The following KDM6A variants were observed in gnomAD, a reference collection of about 807,000 sequenced individuals.
KDM6A encodes lysine demethylase 6A, also known as lysine-specific demethylase 6A.
In KDM6A, 11 loss-of-function variants were observed where a neutral mutation model predicts 117.6. The observed-to-expected ratio is 0.09, with a 90% CI of 0.06 to 0.15. The LOEUF is 0.15. Among genes scored for constraint, KDM6A ranks in the 10% least tolerant of loss-of-function variants. The pLI is 1.00. For missense variants in KDM6A, 799 were observed against 1,077.3 expected, an observed-to-expected ratio of 0.74 and a Z score of 3.62; for synonymous variants, 384 against 396.1, an observed-to-expected ratio of 0.97 and a Z score of 0.36.
At chrX:44,977,168 C>T (rs913833434) in intron 4 of KDM6A, among the ~76,000 whole-genome samples, 1 of 111,532 alleles carries the variant, frequency 9.0e-6, no homozygotes, top group Non-Finnish European at 1.9e-5. Context: ...TGAAGACTTA[C>T]TCCATAGTTT....
At chrX:45,077,505 T>C (rs1170814738) in intron 19 of KDM6A, among the ~76,000 whole-genome samples, 1 of 110,600 alleles carries the variant, frequency 9.0e-6, no homozygotes, top group Non-Finnish European at 1.9e-5. Context: ...TATAAAATGG[T>C]ACTAGAGTTT....
intron 4 of KDM6A, among the ~76,000 whole-genome samples, chrX:44,994,915 T>C (rs747403270): frequency 8.9e-6 from 1 of 111,914 alleles, no homozygotes; most frequent in African/African-American, 3.2e-5. Context: ...GTGGAGCAGG[T>C]AGTCGAAAAA....
At chrX:45,103,488 T>G (rs906084073) in intron 27 of KDM6A, among the ~76,000 whole-genome samples, 4 of 111,992 alleles carry the variant, frequency 3.6e-5, no homozygotes, top group Non-Finnish European at 7.5e-5. Context: ...TAGCATACTA[T>G]GTTTATTTTT....
Position 44,921,124 on chromosome X carries a change from C to T in KDM6A, c.226-40160C>T, listed in dbSNP as rs183272226. Among the ~76,000 whole-genome samples the T allele has an allele frequency of 1.4e-4, 15 of 110,843 alleles. No homozygotes were observed. In the East Asian group the frequency reaches 3.7e-3, roughly 27 times the overall value. On this transcript the variant is annotated intron_variant, in intron 2 of 29. Coordinates refer to ENST00000611820, the MANE Select transcript of KDM6A (RefSeq NM_001291415.2). ...TCCTAACCTTGTGATCTGCCTGCCTCGGCCTCCCAAAATGCTAGGATTACT... is the reference window on the plus strand; with the variant it reads ...TCCTAACCTTGTGATCTGCCTGCCTTGGCCTCCCAAAATGCTAGGATTACT...
intron 2 of KDM6A, among the ~76,000 whole-genome samples, chrX:44,917,246 C>T (rs944212358): frequency 9.1e-6 from 1 of 110,351 alleles, no homozygotes; most frequent in African/African-American, 3.3e-5. Context: ...AGGCTGGTCT[C>T]GAACTCTTGA....
intron 2 of KDM6A, among the ~76,000 whole-genome samples, chrX:44,907,784 G>A (rs1226491318): frequency 1.2e-4 from 9 of 77,751 alleles, no homozygotes; most frequent in Non-Finnish European, 1.9e-4. Context: ...TAAATTACCT[G>A]TATCCTTCAA....
At chrX:44,989,350 C>T (rs192776917) in intron 4 of KDM6A, among the ~76,000 whole-genome samples, 56 of 107,216 alleles carry the variant, frequency 5.2e-4, no homozygotes, top group East Asian at 3.6e-3. Context: ...TTGCACTTCC[C>T]GGGTGAGGTG....
chrX:45,065,083 G>C lies in KDM6A; in HGVS notation c.2079+1266G>C, dbSNP rs1208588882. On this transcript the variant is annotated intron_variant, in intron 17 of 29. Coordinates refer to ENST00000611820, the MANE Select transcript of KDM6A (RefSeq NM_001291415.2). ...AGGGAACAGCAGAATACTAGAGATT[G>C]GTGGTAGGAGAGTTGCAGTTATAAA... Among the ~76,000 whole-genome samples, 9 of 112,274 alleles carry C rather than the reference G, an allele frequency of 8.0e-5. No homozygotes were observed. In the South Asian group the frequency reaches 3.3e-3, roughly 41 times the overall value.
intron 2 of KDM6A, among the ~76,000 whole-genome samples, chrX:44,876,857 G>A (rs1039036545): frequency 2.7e-5 from 3 of 110,003 alleles, no homozygotes; most frequent in Admixed American, 2.0e-4. Context: ...ACATATGTAC[G>A]TATACATATA....
chrX:45,107,987 G>A (rs780606530), intron 28 of KDM6A, among the ~76,000 whole-genome samples: 1 of 111,724 alleles, frequency 9.0e-6, no homozygotes, highest in Non-Finnish European at 1.9e-5. Context: ...CTATGAAGGA[G>A]CTTAAATTCT....
At chrX:44,985,334 T>C (rs1410760988) in intron 4 of KDM6A, among the ~76,000 whole-genome samples, 5 of 111,852 alleles carry the variant, frequency 4.5e-5, no homozygotes, top group Middle Eastern at 4.2e-3. Flanking sequence ...TTTCTAGATA[T>C]ACAATCATGT....
At chrX:44,908,384 G>A (rs1475989449) in intron 2 of KDM6A, among the ~76,000 whole-genome samples, 8 of 111,338 alleles carry the variant, frequency 7.2e-5, no homozygotes, top group African/African-American at 2.6e-4. Context: ...TCTTCTTTTT[G>A]CTGTACGTGT....
chrX:44,976,008 C>G (rs1001515208), intron 4 of KDM6A, among the ~76,000 whole-genome samples: 3 of 112,117 alleles, frequency 2.7e-5, no homozygotes, highest in African/African-American at 9.7e-5. Flanking sequence ...GGCAGGACCC[C>G]CTTTCTTTGC....
intron 4 of KDM6A, among the ~76,000 whole-genome samples, chrX:44,979,396 T>C (rs771215949): frequency 1.8e-5 from 2 of 109,128 alleles, no homozygotes; most frequent in Non-Finnish European, 3.8e-5. Flanking sequence ...TTTTCTTTCC[T>C]TCTCTTCTTC....
chrX:44,922,415 A>T (rs1346961849), intron 2 of KDM6A, among the ~76,000 whole-genome samples: 1 of 110,550 alleles, frequency 9.0e-6, no homozygotes, highest in Admixed American at 9.7e-5. Context: ...CGCCATCTGT[A>T]TATTTTATTC....
chrX:44,928,191 A>G (rs1435110760), intron 2 of KDM6A, among the ~76,000 whole-genome samples: 3 of 112,481 alleles, frequency 2.7e-5, no homozygotes, highest in South Asian at 7.2e-4. Context: ...AGTATAGTCA[A>G]TGTTAAATTT....
At chrX:44,876,245 T>C (rs964662843) in intron 2 of KDM6A, among the ~76,000 whole-genome samples, 1 of 111,586 alleles carries the variant, frequency 9.0e-6, no homozygotes, top group African/African-American at 3.3e-5. Context: ...ATATAGTTCT[T>C]GGTTGCATCT....
At position 45,037,586 on chromosome X, in the gene KDM6A, TCTTA is replaced by T. The variant is rs758435560; in HGVS notation, c.620-64_620-61del. 212 of 830,077 alleles carry T rather than the reference TCTTA, an allele frequency of 2.6e-4. No individual in the cohort carries two copies. The East Asian group carries it at 5.6e-3, about 22-fold the overall frequency. The allele number at this position is 830,077 out of a possible 1,213,427, so 68.4% of individuals were successfully genotyped here. A position where few individuals can be genotyped will look rare whatever the true frequency, so the allele number is the denominator to read the frequency against. On this transcript the variant is annotated intron_variant, in intron 7 of 29. Transcript: ENST00000611820. ...GTGATAATGTTTGATGCTTTGTTAT[TCTTA>T]CTTAATTTGCCCCAAATTCTGCTGT...
In KDM6A at chrX:44,899,224, C is replaced by CGTGTGCGT. The variant is rs2034154147; in HGVS notation, c.225+25242_225+25243insCGTGTGTG. Among the ~76,000 whole-genome samples, 8 of 49,290 alleles carry CGTGTGCGT rather than the reference C, an allele frequency of 1.6e-4. No individual in the cohort carries two copies. In the South Asian group the frequency reaches 0.012, roughly 74 times the overall value. The allele number at this position is 49,290 out of a possible 115,157, so 42.8% of individuals were successfully genotyped here. On this transcript the variant is annotated intron_variant, in intron 2 of 29. Coordinates refer to ENST00000611820, the MANE Select transcript of KDM6A (RefSeq NM_001291415.2). Reference sequence around the variant, plus strand: ...GAGGAAGGGAGGGTGTGTGTGTATGCGTGTGTGTGTGTGTGTGTGTGTGTG... The same window carrying CGTGTGCGT: ...GAGGAAGGGAGGGTGTGTGTGTATGCGTGTGCGTGTGTGTGTGTGTGTGTGTGTGTGTG...
Sources: gnomAD v4.1 joint callset for allele counts (sites outside exome capture counted in the v4.1 genomes callset) on GRCh38, gnomAD v4.1.1 for gene constraint, MANE v1.5 for transcripts, NCBI Gene and HGNC (gene_info 2026-07-23, HGNC 2026-07-21) for gene names.